The following IL1RAPL1 variants were observed in gnomAD, a reference collection of about 807,000 sequenced individuals.
IL1RAPL1 encodes the protein interleukin-1 receptor accessory protein-like 1.
IL1RAPL1 carries 3 observed loss-of-function variants against 48.4 expected under a neutral mutation model. That is an observed-to-expected ratio of 0.06 (90% CI 0.03 to 0.16). The LOEUF (loss-of-function observed/expected upper bound fraction) is 0.16. IL1RAPL1 is among the 10% of genes least tolerant of loss of function. The probability of loss-of-function intolerance (pLI) is 1.00; values close to 1 mark genes in which losing one functional copy is unlikely to be tolerated. For missense variants in IL1RAPL1, 349 were observed against 530.6 expected (o/e 0.66, Z 3.36); for synonymous variants, 185 against 187.7 (o/e 0.99, Z 0.12).
In IL1RAPL1 at chrX:28,844,656, GA is replaced by G. The variant is rs757958211; in HGVS notation, c.82+55232del. 1.5e-4 allele frequency among the ~76,000 whole-genome samples: 17 copies of G among 111,000 alleles called. 1 individual carries two copies. In the South Asian group the frequency reaches 5.7e-3, roughly 37 times the overall value. ...AGAAGATGTAATAAGTCCTCTGGAA[GA>G]TATGACATTAATGGACTTCGCTGAA... On this transcript the variant is annotated intron_variant, in intron 2 of 10. Coordinates refer to ENST00000378993, the MANE Select transcript of IL1RAPL1 (RefSeq NM_014271.4).
At chrX:29,576,343 G>A (rs1474501855) in intron 5 of IL1RAPL1, among the ~76,000 whole-genome samples, 1 of 111,672 alleles carries the variant, frequency 9.0e-6, no homozygotes, top group African/African-American at 3.3e-5. Context: ...CTAATGATTT[G>A]TTCCTCCCAT....
chrX:29,721,189 A>C (rs1320156088), intron 6 of IL1RAPL1, among the ~76,000 whole-genome samples: 1 of 112,072 alleles, frequency 8.9e-6, no homozygotes, highest in Non-Finnish European at 1.9e-5. Flanking sequence ...CACCTCCTCC[A>C]TGAAGCTTTT....
rs1229633258 is a variant in IL1RAPL1, at chrX:29,644,136, A to G, written c.704-24294A>G. 1.2e-4 allele frequency among the ~76,000 whole-genome samples: 14 copies of G among 112,245 alleles called. No individual in the cohort carries two copies. In the Admixed American group the frequency reaches 1.3e-3, roughly 11 times the overall value. Reference sequence around the variant, plus strand: ...CTTTCCATTGCAAATAAAGAAGACAAAGAAGTCTATTAAAGGTATCTAATG... The same window carrying G: ...CTTTCCATTGCAAATAAAGAAGACAGAGAAGTCTATTAAAGGTATCTAATG... On this transcript the variant is annotated intron_variant, in intron 5 of 10. Transcript: ENST00000378993.
chrX:29,817,640 G>T (rs951948516), intron 6 of IL1RAPL1, among the ~76,000 whole-genome samples: 1 of 111,679 alleles, frequency 9.0e-6, no homozygotes, highest in African/African-American at 3.2e-5. Context: ...TTGAGACAAA[G>T]GTCTCATACA....
chrX:28,740,757 T>C (rs894131115), intron 1 of IL1RAPL1, among the ~76,000 whole-genome samples: 3 of 111,912 alleles, frequency 2.7e-5, no homozygotes, highest in African/African-American at 6.5e-5. Context: ...TTTGGTTTAC[T>C]GTTGCTGTGT....
intron 2 of IL1RAPL1, among the ~76,000 whole-genome samples, chrX:29,114,639 T>C (rs1928640505): frequency 9.0e-6 from 1 of 111,693 alleles, no homozygotes; most frequent in African/African-American, 3.3e-5. Flanking sequence ...GTTTGTTTGT[T>C]TTTTTGAGAC....
intron 5 of IL1RAPL1, among the ~76,000 whole-genome samples, chrX:29,430,939 A>T (rs910930386): frequency 1.8e-5 from 2 of 111,161 alleles, no homozygotes; most frequent in African/African-American, 6.5e-5. Context: ...GAATAGAATG[A>T]TTATACTAGG....
At position 29,788,437 on chromosome X, in the gene IL1RAPL1, C is replaced by G. The variant is rs1471054908; in HGVS notation, c.778+119933C>G. Among the ~76,000 whole-genome samples, 4 of 111,699 alleles carry G rather than the reference C, an allele frequency of 3.6e-5. No individual in the cohort carries two copies. The Admixed American group carries it at 3.8e-4, about 11-fold the overall frequency. Reference sequence around the variant, plus strand: ...AGCAATATTCATCAAGGTCATGAAGCAACATTATCTGCACTCTAATCTGAT... The same window carrying G: ...AGCAATATTCATCAAGGTCATGAAGGAACATTATCTGCACTCTAATCTGAT... On this transcript the variant is annotated intron_variant, in intron 6 of 10. Transcript: ENST00000378993.
intron 2 of IL1RAPL1, among the ~76,000 whole-genome samples, chrX:28,867,321 T>C (rs1601937655): frequency 9.0e-6 from 1 of 111,107 alleles, no homozygotes; most frequent in Admixed American, 9.7e-5. Context: ...GGCATGGAGG[T>C]GTGATGGCTA....
At position 29,111,925 on chromosome X, in the gene IL1RAPL1, C is replaced by CTTTTTTTT. The variant is rs34885583; in HGVS notation, c.83-170998_83-170991dup. Among the ~76,000 whole-genome samples the CTTTTTTTT allele has an allele frequency of 1.4e-3, 84 of 59,738 alleles. 1 individual carries two copies. Among genetic ancestry groups the CTTTTTTTT allele is most frequent in the Non-Finnish European group, 2.0e-3 (63 of 31,264 alleles). 51.9% of individuals were successfully genotyped at this position (59,738 alleles called of 115,157 possible). A position where few individuals can be genotyped will look rare whatever the true frequency, so the allele number is the denominator to read the frequency against. On this transcript the variant is annotated intron_variant, in intron 2 of 10. Coordinates refer to ENST00000378993, the MANE Select transcript of IL1RAPL1 (RefSeq NM_014271.4). ...GTTTGTAGGTTGTATTTTCACTTTT[C>CTTTTTTTT]TTTTTTTTTTTTTTTTTTTTTTGAG...
intron 2 of IL1RAPL1, among the ~76,000 whole-genome samples, chrX:28,867,983 CCTGT>C (rs1316832274): frequency 1.8e-5 from 2 of 111,622 alleles, no homozygotes; most frequent in Admixed American, 9.6e-5. Flanking sequence ...TTACTTTACT[CCTGT>C]CTATTATAGG....
At chrX:28,901,085 G>A (rs1302736638) in intron 2 of IL1RAPL1, among the ~76,000 whole-genome samples, 1 of 111,700 alleles carries the variant, frequency 9.0e-6, no homozygotes, top group Non-Finnish European at 1.9e-5. Context: ...TGGAATTATA[G>A]CGAGTAACAA....
At chrX:28,680,379 C>T (rs1935045714) in intron 1 of IL1RAPL1, among the ~76,000 whole-genome samples, 1 of 111,105 alleles carries the variant, frequency 9.0e-6, no homozygotes, top group Non-Finnish European at 1.9e-5. Context: ...GTGTTTTTTA[C>T]ACATATGATC....
intron 5 of IL1RAPL1, among the ~76,000 whole-genome samples, chrX:29,656,088 G>A (rs1489620876): frequency 1.8e-5 from 2 of 112,294 alleles, no homozygotes; most frequent in African/African-American, 6.5e-5. Flanking sequence ...GGGCTACTTT[G>A]TTTTTAATCC....
At chrX:29,885,439 G>C (rs1301150673) in intron 6 of IL1RAPL1, among the ~76,000 whole-genome samples, 2 of 111,474 alleles carry the variant, frequency 1.8e-5, no homozygotes, top group Admixed American at 1.9e-4. Flanking sequence ...GTTTTGCTTT[G>C]TTCTTTCGTA....
chrX:28,654,403 A>G (rs899096866), intron 1 of IL1RAPL1, among the ~76,000 whole-genome samples: 35 of 111,563 alleles, frequency 3.1e-4, no homozygotes, highest in African/African-American at 1.1e-3. Context: ...AAATAAAAAA[A>G]ACCTCTCCAA....
intron 5 of IL1RAPL1, among the ~76,000 whole-genome samples, chrX:29,632,765 C>T (rs1297661180): frequency 3.6e-5 from 4 of 111,195 alleles, no homozygotes; most frequent in Non-Finnish European, 7.5e-5. Context: ...TTTTTTCACT[C>T]TTTTCCAAAC....
intron 6 of IL1RAPL1, among the ~76,000 whole-genome samples, chrX:29,908,363 C>A (rs1249416480): frequency 2.2e-5 from 2 of 90,664 alleles, no homozygotes; most frequent in Non-Finnish European, 4.1e-5. Context: ...CATAGCAAGA[C>A]CCCATTTCAA....
At position 29,839,960 on chromosome X, in the gene IL1RAPL1, A is replaced by C. The variant is rs370547218; in HGVS notation, c.779-77504A>C. Among the ~76,000 whole-genome samples the C allele has an allele frequency of 2.7e-5, 3 of 111,361 alleles. No individual in the cohort carries two copies. In the East Asian group the frequency reaches 8.5e-4, roughly 31 times the overall value. ...ACAAACAAATGAAAACAAAACAAAAACTAAACTTTTATTGAGCCATTGATT... is the reference window on the plus strand; with the variant it reads ...ACAAACAAATGAAAACAAAACAAAACCTAAACTTTTATTGAGCCATTGATT... On this transcript the variant is annotated intron_variant, in intron 6 of 10. Transcript: ENST00000378993.
Sources: gnomAD v4.1 joint callset for allele counts (sites outside exome capture counted in the v4.1 genomes callset) on GRCh38, gnomAD v4.1.1 for gene constraint, MANE v1.5 for transcripts, NCBI Gene and HGNC (gene_info 2026-07-23, HGNC 2026-07-21) for gene names.